The following SMPD3 variants were observed in gnomAD, a reference collection of about 807,000 sequenced individuals.
SMPD3 encodes nSMase-2.
A neutral mutation model predicts 55.7 loss-of-function variants in SMPD3; 21 were observed. The ratio of observed to expected loss-of-function variants is 0.38; its 90% CI spans 0.27 to 0.54. SMPD3 has a LOEUF of 0.54. SMPD3 is among the 20% of genes least tolerant of loss of function. The pLI is 0.80. For missense variants in SMPD3, 842 were observed against 899.6 expected (o/e 0.94, Z 0.82); for synonymous variants, 457 against 404.3 (o/e 1.13, Z -1.56).
intron 1 of SMPD3, among the ~76,000 whole-genome samples, chr16:68,420,071 C>T (rs1365437602): frequency 6.6e-6 from 1 of 150,946 alleles, no homozygotes. Flanking sequence ...GCAGCCTCAA[C>T]CTCCTAGGCT....
At chr16:68,428,701 GT>G (rs372386979) in intron 1 of SMPD3, among the ~76,000 whole-genome samples, 2 of 152,198 alleles carry the variant, frequency 1.3e-5, no homozygotes, top group African/African-American at 4.8e-5. Flanking sequence ...AGCTTGGGAT[GT>G]TTGCAAGAGG....
At chr16:68,427,297 C>T (rs1255636752) in intron 1 of SMPD3, among the ~76,000 whole-genome samples, 1 of 152,332 alleles carries the variant, frequency 6.6e-6, no homozygotes, top group Admixed American at 6.5e-5. Flanking sequence ...CCACCATGCC[C>T]AGCCTTAAAC....
chr16:68,428,265 A>G (rs1429912656), intron 1 of SMPD3, among the ~76,000 whole-genome samples: 1 of 152,230 alleles, frequency 6.6e-6, no homozygotes, highest in Non-Finnish European at 1.5e-5. Flanking sequence ...AGACATTAGG[A>G]AGCAGAGGGC....
At position 68,358,919 on chromosome 16, in the gene SMPD3, C is replaced by G. The variant is rs59495414; in HGVS notation, c.*2287G>C. The G allele has an allele frequency of 4.3e-3, 652 of 152,706 alleles. 7 individuals are homozygous for G. The highest frequency in any genetic ancestry group is 0.015 in the African/African-American group (635 of 41,584). The allele number at this position is 152,706 out of a possible 1,614,324, so 9.5% of individuals were successfully genotyped here. A position where few individuals can be genotyped will look rare whatever the true frequency, so the allele number is the denominator to read the frequency against. Reference sequence around the variant, plus strand: ...CAATGAGACACGTGGGTGGGGGGGTCCCGGTCTTGGTGCTGAGGGAGGTGT... The same window carrying G: ...CAATGAGACACGTGGGTGGGGGGGTGCCGGTCTTGGTGCTGAGGGAGGTGT... On this transcript the variant is annotated 3_prime_UTR_variant, in exon 9 of 9. Coordinates refer to ENST00000219334, the MANE Select transcript of SMPD3 (RefSeq NM_018667.4).
In SMPD3 at chr16:68,360,874, TAAG is replaced by T; in HGVS notation, c.*329_*331del. The T allele has an allele frequency of 3.7e-6, 1 of 271,008 alleles. No individual in the cohort carries two copies. The highest frequency in any genetic ancestry group is 7.0e-6 in the Non-Finnish European group (1 of 141,970). 16.8% of individuals were successfully genotyped at this position (271,008 alleles called of 1,614,324 possible). ...AAAATAAAGAACCCTGGACGAAGCTTAAGAGGAGATACAGAGAGTACACGAACC... is the reference window on the plus strand; with the variant it reads ...AAAATAAAGAACCCTGGACGAAGCTTAGGAGATACAGAGAGTACACGAACC... On this transcript the variant is annotated 3_prime_UTR_variant, in exon 9 of 9. Coordinates refer to ENST00000219334, the MANE Select transcript of SMPD3 (RefSeq NM_018667.4).
chr16:68,433,330 T>C (rs2090495349), intron 1 of SMPD3, among the ~76,000 whole-genome samples: 1 of 152,248 alleles, frequency 6.6e-6, no homozygotes, highest in Admixed American at 6.5e-5. Context: ...TGCCCGACCC[T>C]CATGTGTTCA....
At chr16:68,394,409 G>A (rs1036430014) in intron 1 of SMPD3, among the ~76,000 whole-genome samples, 25 of 152,122 alleles carry the variant, frequency 1.6e-4, no homozygotes, top group East Asian at 5.8e-4. Flanking sequence ...AATTTTCACC[G>A]TGGAATTACA....
In SMPD3 at chr16:68,366,940, G is replaced by A. The variant is rs561774817; in HGVS notation, c.1324-1848C>T. ...GGAGAATCGCTTGAACCTTGGAGGCGGAGGTCACAGTGAGCCAAGATCATG... is the reference window on the plus strand; with the variant it reads ...GGAGAATCGCTTGAACCTTGGAGGCAGAGGTCACAGTGAGCCAAGATCATG... On this transcript the variant is annotated intron_variant, in intron 3 of 8. Coordinates refer to ENST00000219334, the MANE Select transcript of SMPD3 (RefSeq NM_018667.4). 5.9e-5 allele frequency among the ~76,000 whole-genome samples: 9 copies of A among 152,052 alleles called. 1 individual carries two copies. Among genetic ancestry groups the A allele is most frequent in the Middle Eastern group, 6.8e-3 (2 of 294 alleles).
At chr16:68,390,614 T>A (rs979136418) in intron 1 of SMPD3, among the ~76,000 whole-genome samples, 2 of 152,252 alleles carry the variant, frequency 1.3e-5, no homozygotes, top group Non-Finnish European at 2.9e-5. Flanking sequence ...TGAGCTGTGA[T>A]GGCGCCACTG....
At chr16:68,410,397 G>A (rs1312708543) in intron 1 of SMPD3, among the ~76,000 whole-genome samples, 4 of 151,880 alleles carry the variant, frequency 2.6e-5, no homozygotes, top group Non-Finnish European at 5.9e-5. Context: ...TGAGGTCCAG[G>A]CACAAACACA....
At chr16:68,395,080 G>A (rs1297156224) in intron 1 of SMPD3, among the ~76,000 whole-genome samples, 1 of 151,638 alleles carries the variant, frequency 6.6e-6, no homozygotes, top group Non-Finnish European at 1.5e-5. Context: ...TTCCTAAGGG[G>A]GCTGGAATTG....
rs572886873 is a variant in SMPD3 at position 68,361,398 on chromosome 16, C to T, written c.1867-91G>A. 2.2e-3 allele frequency: 3,144 copies of T among 1,425,294 alleles called. 17 individuals carry two copies. The highest frequency in any genetic ancestry group is 0.015 in the Middle Eastern group (83 of 5,534). The allele number at this position is 1,425,294 out of a possible 1,614,324, so 88.3% of individuals were successfully genotyped here. A position where few individuals can be genotyped will look rare whatever the true frequency, so the allele number is the denominator to read the frequency against. The stretch of plus-strand genomic sequence containing the variant: ...CCTGGGGATCCCCAAAGTGAGGCCC[C>T]GGGGCTGGGGTGGGCTGGGACCTTC... On this transcript the variant is annotated intron_variant, in intron 8 of 8. Coordinates refer to ENST00000219334, the MANE Select transcript of SMPD3 (RefSeq NM_018667.4).
intron 1 of SMPD3, among the ~76,000 whole-genome samples, chr16:68,410,242 G>A (rs1345810203): frequency 6.6e-6 from 1 of 152,194 alleles, no homozygotes; most frequent in Non-Finnish European, 1.5e-5. Flanking sequence ...TACTCCACAG[G>A]TGTCAGGAAG....
At position 68,359,343 on chromosome 16, in the gene SMPD3, C is replaced by T. The variant is rs974986824; in HGVS notation, c.*1863G>A. On this transcript the variant is annotated 3_prime_UTR_variant, in exon 9 of 9. Coordinates refer to ENST00000219334, the MANE Select transcript of SMPD3 (RefSeq NM_018667.4). ...TGGAGGGGTGGGCCGGGCAGAGAGC[C>T]CAGCAGGATGCTCGCCCTCAGCAGC... 6.6e-6 allele frequency: 1 copy of T among 152,402 alleles called. No homozygotes were observed. Among genetic ancestry groups the T allele is most frequent in the African/African-American group, 2.4e-5 (1 of 41,446 alleles). The allele number at this position is 152,402 out of a possible 1,614,324, so 9.4% of individuals were successfully genotyped here.
Position 68,359,631 on chromosome 16 carries a change from A to G in SMPD3, c.*1575T>C, listed in dbSNP as rs2089115831. ...GCACCAGGAGGGGCTGACAGCAGAC[A>G]GCAGGTCCTGGTGCTCCCTCCAGCC... is the stretch of plus-strand genomic sequence containing the variant. On this transcript the variant is annotated 3_prime_UTR_variant, in exon 9 of 9. Transcript: ENST00000219334. The G allele has an allele frequency of 6.5e-6, 1 of 152,726 alleles. No homozygotes were observed. The highest frequency in any genetic ancestry group is 2.4e-5 in the African/African-American group (1 of 41,460). 9.5% of individuals were successfully genotyped at this position (152,726 alleles called of 1,614,324 possible).
intron 2 of SMPD3, among the ~76,000 whole-genome samples, chr16:68,379,461 A>T (rs926204903): frequency 1.3e-5 from 2 of 152,316 alleles, no homozygotes; most frequent in East Asian, 1.9e-4. Flanking sequence ...GCTTATTTTT[A>T]TCATTTTGCT....
At chr16:68,372,632 A>G (rs2089701923) in intron 2 of SMPD3, among the ~76,000 whole-genome samples, 1 of 152,194 alleles carries the variant, frequency 6.6e-6, no homozygotes, top group Non-Finnish European at 1.5e-5. Flanking sequence ...CTAACTAACC[A>G]TCTTGACCTT....
intron 1 of SMPD3, among the ~76,000 whole-genome samples, chr16:68,423,157 A>G (rs1388425315): frequency 6.6e-6 from 1 of 152,224 alleles, no homozygotes; most frequent in Non-Finnish European, 1.5e-5. Context: ...GATTTTGACC[A>G]AGGTTTTCTG....
In SMPD3 at chr16:68,371,435, G is replaced by T; in HGVS notation, c.747C>A (p.Gly249=). The change falls in exon 3 of 9, where the codon GGC becomes GGA. Residue 249 remains glycine, a synonymous_variant. Coordinates refer to ENST00000219334, the MANE Select transcript of SMPD3 (RefSeq NM_018667.4). ...PEDACIVRIG[G]EEGGRPPEAD... is the part of the protein sequence containing the mutation. ...CTTCAGGTGGCCGGCCGCCCTCCTC[G>T]CCACCGATGCGCACGATGCAGGCAT... The T allele has an allele frequency of 6.3e-7, 1 of 1,577,882 alleles. No individual in the cohort carries two copies.
Sources: allele counts gnomAD v4.1 joint callset (sites outside exome capture counted in the v4.1 genomes callset), GRCh38; gene constraint gnomAD v4.1.1; transcripts MANE v1.5; gene names NCBI Gene and HGNC (gene_info 2026-07-23, HGNC 2026-07-21).